Variants in TCHP observed in about 807,000 individuals in gnomAD.
TCHP encodes the protein trichoplein keratin filament binding.
In TCHP, 81 loss-of-function variants were observed where a neutral mutation model predicts 88.7. The ratio of observed to expected loss-of-function variants is 0.91; its 90% CI spans 0.76 to 1.10. TCHP has a LOEUF of 1.10. Ranked by LOEUF, TCHP falls within the 50% of genes least tolerant of loss-of-function variation. The pLI is 0.00. For missense variants in TCHP, 641 were observed against 632.1 expected (o/e 1.01, Z -0.15); for synonymous variants, 232 against 232.5 (o/e 1.00, Z 0.02).
At chr12:109,887,449 C>A in the TCHP span, among the ~76,000 whole-genome samples, 1 of 151,680 alleles carries the variant, frequency 6.6e-6, no homozygotes, top group Non-Finnish European at 1.5e-5. Flanking sequence ...GGTATTTCAC[C>A]CTGATAGATC....
At chr12:109,890,992 C>T in the TCHP span, among the ~76,000 whole-genome samples, 1 of 152,204 alleles carries the variant, frequency 6.6e-6, no homozygotes. Flanking sequence ...CATTAGCACA[C>T]AGCCTCTGCC....
chr12:109,902,863 T>TG (rs1869882333), intron 1 of TCHP, among the ~76,000 whole-genome samples, 164 bp from the exon 2 acceptor site: 1 of 152,010 alleles, frequency 6.6e-6, no homozygotes, highest in African/African-American at 2.4e-5. Context: ...TAGTTTGGAG[T>TG]GGGGCTCAGA....
At chr12:109,881,410 C>T in the TCHP span, among the ~76,000 whole-genome samples, 18 of 152,226 alleles carry the variant, frequency 1.2e-4, no homozygotes, top group Admixed American at 1.1e-3. Context: ...CAATAGGGCA[C>T]ATTCTGAGTA....
At position 109,911,095 on chromosome 12, in the gene TCHP, C is replaced by G; in HGVS notation, c.912C>G (p.Leu304=). ...ACAGGCGGATCCTGCAGGCCCTCCTCGAGAAGGAGGACGAGAGCCAGCGCC... is the reference window on the plus strand; with the variant it reads ...ACAGGCGGATCCTGCAGGCCCTCCTGGAGAAGGAGGACGAGAGCCAGCGCC... The part of the protein sequence containing the change: ...EADRRILQAL[L]EKEDESQRLH... Residue 304 remains leucine (L), a synonymous_variant, in exon 9 of 13, where the codon CTC becomes CTG. Coordinates refer to ENST00000405876, the MANE Select transcript of TCHP (RefSeq NM_001143852.2). 1 of 1,594,990 alleles carries G rather than the reference C, an allele frequency of 6.3e-7. No individual in the cohort carries two copies. The highest frequency in any genetic ancestry group is 8.5e-7 in the Non-Finnish European group (1 of 1,171,732).
In TCHP at chr12:109,914,578, A is replaced by T; in HGVS notation, c.1271A>T (p.Glu424Val). ...EVRELARREK[E>V]ESEKLKSARK... ...AGAGAGTTGGCTCGTCGCGAGAAAG[A>T]GGAGAGTGAAAAGCTGAAATCGGCC... The change falls in exon 11 of 13, where the codon GAG becomes GTG. Residue 424 changes from glutamate to valine, a missense_variant. Transcript: ENST00000405876. 4 of 1,613,442 alleles carry T rather than the reference A, an allele frequency of 2.5e-6. No individual in the cohort carries two copies. The highest frequency in any genetic ancestry group is 3.4e-6 in the Non-Finnish European group (4 of 1,179,976).
intron 11 of TCHP, 44 bp downstream of exon 11, chr12:109,914,671 T>C: frequency 1.3e-6 from 2 of 1,537,128 alleles, no homozygotes; most frequent in Non-Finnish European, 1.8e-6. Context: ...CCTGCCAGGT[T>C]CTCTGCATCA....
upstream of TCHP, among the ~76,000 whole-genome samples, chr12:109,896,869 C>T (rs562512865): frequency 3.9e-5 from 6 of 152,226 alleles, no homozygotes; most frequent in South Asian, 8.3e-4. Context: ...GAGCCAAGTT[C>T]GCACCACTGC....
upstream of TCHP, among the ~76,000 whole-genome samples, chr12:109,895,896 T>C (rs914943703): frequency 6.6e-6 from 1 of 152,198 alleles, no homozygotes; most frequent in Non-Finnish European, 1.5e-5. Context: ...CCGTAGTCAT[T>C]GACCTGTCAT....
rs1202274592 is a variant in TCHP at position 109,903,766 on chromosome 12, A to AT, written c.189-167dup. Among the ~76,000 whole-genome samples, 1 of 152,086 alleles carries AT rather than the reference A, an allele frequency of 6.6e-6. No individual in the cohort carries two copies. Among genetic ancestry groups the AT allele is most frequent in the Non-Finnish European group, 1.5e-5 (1 of 68,026 alleles). ...ACATTTTCTTTTTGCAAAAAACAAG[A>AT]TTTTCTCTTACACATACTATTCTGT... On this transcript the variant is annotated intron_variant, in intron 2 of 12. Transcript: ENST00000405876. This position sits in a 1 kb window ranked among gnomAD's most constrained non-coding sequence, Gnocchi z 4.6.
At chr12:109,897,479 G>A (rs1288570823), upstream of TCHP, among the ~76,000 whole-genome samples, 4 of 152,166 alleles carry the variant, frequency 2.6e-5, no homozygotes, top group Admixed American at 6.6e-5. Context: ...GAAAGGCCTT[G>A]CCCAAGAGGC....
intron 8 of TCHP, 30 bp downstream of exon 8, chr12:109,908,967 T>G: frequency 6.2e-7 from 1 of 1,610,668 alleles, no homozygotes; most frequent in African/African-American, 1.3e-5. Flanking sequence ...CTGACATCTT[T>G]CTTAGCCTCT....
the TCHP span, among the ~76,000 whole-genome samples, chr12:109,887,409 C>CAAAAA: frequency 1.4e-3 from 115 of 80,054 alleles, no homozygotes; most frequent in East Asian, 2.5e-3. Flanking sequence ...GGCTCTGTCT[C>CAAAAA]AAAAAAAAAA....
In TCHP at chr12:109,913,218, A is replaced by G. The variant is rs1870612817; in HGVS notation, c.1134+146A>G. On this transcript the variant is annotated intron_variant, in intron 10 of 12. Transcript: ENST00000405876. Reference sequence around the variant, plus strand: ...GGCTTTAAAAATCATTGAAAAAGTAATATGAGCTTAGTAGAAAAGAATTCA... The same window carrying G: ...GGCTTTAAAAATCATTGAAAAAGTAGTATGAGCTTAGTAGAAAAGAATTCA... The G allele has an allele frequency of 4.2e-6, 3 of 716,966 alleles. 1 individual carries two copies. The highest frequency in any genetic ancestry group is 3.5e-5 in the South Asian group (2 of 56,448). The allele number at this position is 716,966 out of a possible 1,614,324, so 44.4% of individuals were successfully genotyped here. A position where few individuals can be genotyped will look rare whatever the true frequency, so the allele number is the denominator to read the frequency against.
At chr12:109,907,914 C>G (rs561884467) in intron 6 of TCHP, among the ~76,000 whole-genome samples, 14 of 152,354 alleles carry the variant, frequency 9.2e-5, no homozygotes, top group Non-Finnish European at 1.5e-4. Flanking sequence ...ACATTAACGA[C>G]ATGGAGCCAG....
At chr12:109,896,213 C>T (rs1869554403), upstream of TCHP, among the ~76,000 whole-genome samples, 2 of 152,202 alleles carry the variant, frequency 1.3e-5, no homozygotes, top group Non-Finnish European at 2.9e-5. Context: ...TCCCAGAGTG[C>T]TGGCATTACA....
the TCHP span, among the ~76,000 whole-genome samples, chr12:109,885,913 G>A: frequency 6.6e-6 from 1 of 152,044 alleles, no homozygotes; most frequent in African/African-American, 2.4e-5. Context: ...GAGTAACTGG[G>A]ACTACAGGTG....
chr12:109,914,710 C>T, intron 11 of TCHP, 83 bp downstream of exon 11: 1 of 1,253,202 alleles, frequency 8.0e-7, no homozygotes, highest in South Asian at 1.4e-5. Context: ...AGCCGCTGGA[C>T]TGCCTGGCAG....
At chr12:109,899,390 A>G (rs1869657421), upstream of TCHP, among the ~76,000 whole-genome samples, 2 of 152,150 alleles carry the variant, frequency 1.3e-5, no homozygotes, top group Non-Finnish European at 2.9e-5. Flanking sequence ...CTGTAATCCT[A>G]GCACTTTGGG....
chr12:109,909,570 A>G (rs572467774), intron 8 of TCHP, among the ~76,000 whole-genome samples: 1 of 152,252 alleles, frequency 6.6e-6, no homozygotes, highest in Non-Finnish European at 1.5e-5. Context: ...CTATAATCCC[A>G]GCACTTTGAG....
Sources: gnomAD v4.1 joint callset for allele counts (sites outside exome capture counted in the v4.1 genomes callset) on GRCh38, gnomAD v4.1.1 for gene constraint, Gnocchi (gnomAD v3.1) non-coding constraint, MANE v1.5 for transcripts, NCBI Gene and HGNC (gene_info 2026-07-23, HGNC 2026-07-21) for gene names.